The following MED13 variants were observed in gnomAD, a reference collection of about 807,000 sequenced individuals.
MED13 encodes the protein mediator complex subunit 13.
A neutral mutation model predicts 225.2 loss-of-function variants in MED13; 23 were observed. That is an observed-to-expected ratio of 0.10 (90% CI 0.07 to 0.14). The LOEUF is 0.14. Ranked by LOEUF, MED13 falls within the 10% of genes least tolerant of loss-of-function variation. The probability of loss-of-function intolerance (pLI) is 1.00; values close to 1 mark genes in which losing one functional copy is unlikely to be tolerated. For synonymous variants in MED13, 942 were observed against 889.2 expected, an observed-to-expected ratio of 1.06 and a Z score of -1.06; for missense variants, 2,197 against 2,594.5, an observed-to-expected ratio of 0.85 and a Z score of 3.33.
intron 3 of MED13, among the ~76,000 whole-genome samples, chr17:62,050,660 C>T (rs912548253): frequency 6.6e-6 from 1 of 152,170 alleles, no homozygotes; most frequent in Non-Finnish European, 1.5e-5. Flanking sequence ...AGGATTGCAG[C>T]CTTTCATTTT....
At chr17:61,981,203 G>C (rs527286774) in intron 16 of MED13, among the ~76,000 whole-genome samples, 47 of 151,748 alleles carry the variant, frequency 3.1e-4, no homozygotes, top group Middle Eastern at 3.4e-3. Flanking sequence ...TAAATTTTTA[G>C]TAAAGACGGG....
intron 10 of MED13, among the ~76,000 whole-genome samples, chr17:61,994,191 G>A (rs1387199675): frequency 6.6e-6 from 1 of 151,970 alleles, no homozygotes; most frequent in Non-Finnish European, 1.5e-5. Context: ...TAGAGATGGG[G>A]TTTCACCATC....
intron 8 of MED13, among the ~76,000 whole-genome samples, chr17:62,028,717 C>A (rs532363298): frequency 6.6e-6 from 1 of 150,794 alleles, no homozygotes; most frequent in Non-Finnish European, 1.5e-5. Context: ...TGGTGGCGGG[C>A]GCCTGTAGTC....
At chr17:62,047,442 A>G (rs553566356) in intron 3 of MED13, among the ~76,000 whole-genome samples, 1 of 152,254 alleles carries the variant, frequency 6.6e-6, no homozygotes, top group African/African-American at 2.4e-5. Context: ...TCCTCAGCAA[A>G]CTAACACAAG....
rs777280115 is a variant in MED13 at position 61,956,465 on chromosome 17, T to A, written c.5497A>T (p.Ser1833Cys). Residue 1833 changes from serine (S) to cysteine (C), a missense_variant, in exon 24 of 30, where the codon AGT becomes TGT. Transcript: ENST00000397786. ...TGTAGACCAAATTTTCTAGCAGAACTTTTTTTCCGACGAGCCCTATTGTGT... is the reference window on the plus strand; with the variant it reads ...TGTAGACCAAATTTTCTAGCAGAACATTTTTTCCGACGAGCCCTATTGTGT... ...DVPNRARRKK[S>C]SARKFGLQKL... 1 of 1,607,548 alleles carries A rather than the reference T, an allele frequency of 6.2e-7. No homozygotes were observed. Among genetic ancestry groups the A allele is most frequent in the South Asian group, 1.1e-5 (1 of 89,848 alleles).
intron 16 of MED13, among the ~76,000 whole-genome samples, chr17:61,976,103 T>G (rs769355179): frequency 4.6e-5 from 7 of 152,164 alleles, no homozygotes; most frequent in Non-Finnish European, 1.0e-4. Context: ...ATATAAAAAC[T>G]TGTACACAAA....
In MED13 at chr17:62,024,021, G is replaced by T. The variant is rs115397512; in HGVS notation, c.1283+5520C>A. 2.6e-3 allele frequency among the ~76,000 whole-genome samples: 354 copies of T among 134,568 alleles called. 1 individual carries two copies. Among genetic ancestry groups the T allele is most frequent in the African/African-American group, 0.011 (339 of 31,360 alleles). The allele number at this position is 134,568 out of a possible 152,430, so 88.3% of individuals were successfully genotyped here. A position where few individuals can be genotyped will look rare whatever the true frequency, so the allele number is the denominator to read the frequency against. ...AATTTCTGAAAATACTTTTAAAAATGACTTTTTTTTTTTTGAGACGGAGTC... is the reference window on the plus strand; with the variant it reads ...AATTTCTGAAAATACTTTTAAAAATTACTTTTTTTTTTTTGAGACGGAGTC... On this transcript the variant is annotated intron_variant, in intron 8 of 29. Coordinates refer to ENST00000397786, the MANE Select transcript of MED13 (RefSeq NM_005121.3).
At chr17:62,050,629 C>T (rs1482925193) in intron 3 of MED13, among the ~76,000 whole-genome samples, 1 of 152,128 alleles carries the variant, frequency 6.6e-6, no homozygotes, top group Non-Finnish European at 1.5e-5. Context: ...TTCTGAGGAG[C>T]AAATCTATTC....
At chr17:61,969,980 G>A (rs2080092866) in intron 17 of MED13, among the ~76,000 whole-genome samples, 1 of 152,166 alleles carries the variant, frequency 6.6e-6, no homozygotes, top group African/African-American at 2.4e-5. Flanking sequence ...AGAACATGGA[G>A]ATTACAAAAC....
chr17:62,027,933 G>C (rs1311524202), intron 8 of MED13, among the ~76,000 whole-genome samples: 1 of 152,286 alleles, frequency 6.6e-6, no homozygotes, highest in African/African-American at 2.4e-5. Context: ...TGGCGAGGTT[G>C]AGAAGGAAAC....
chr17:61,982,505 G>A lies in MED13; in HGVS notation c.3498C>T (p.Leu1166=). The change falls in exon 16 of 30, where the codon CTC becomes CTT. Residue 1166 remains leucine, a synonymous_variant. Coordinates refer to ENST00000397786, the MANE Select transcript of MED13 (RefSeq NM_005121.3). ...GKEAEKRFEA[L]RATSAEHVNG... is the part of the protein sequence containing the mutation. Reference sequence around the variant, plus strand: ...TAACATGTTCAGCAGAGGTAGCCCTGAGAGCTTCAAAACGTTTTTCTGCTT... The same window carrying A: ...TAACATGTTCAGCAGAGGTAGCCCTAAGAGCTTCAAAACGTTTTTCTGCTT... 1.2e-6 allele frequency: 2 copies of A among 1,614,136 alleles called. No individual in the cohort carries two copies. The highest frequency in any genetic ancestry group is 2.2e-5 in the East Asian group (1 of 44,886).
chr17:62,057,836 C>T (rs1277637148), intron 2 of MED13, among the ~76,000 whole-genome samples: 2 of 152,080 alleles, frequency 1.3e-5, no homozygotes, highest in South Asian at 4.1e-4. Context: ...TTTTTTAGTT[C>T]ACAAGGTATC....
chr17:61,999,968 G>A (rs1170786208), intron 9 of MED13, among the ~76,000 whole-genome samples: 1 of 152,162 alleles, frequency 6.6e-6, no homozygotes, highest in Non-Finnish European at 1.5e-5. Flanking sequence ...TTCTTGGGAG[G>A]CTAAGGAGGA....
chr17:62,011,827 G>T (rs930293185), intron 8 of MED13, among the ~76,000 whole-genome samples: 3 of 152,146 alleles, frequency 2.0e-5, no homozygotes, highest in Admixed American at 6.6e-5. Context: ...AAAAGGGAAA[G>T]AAAATGCCTA....
At chr17:61,952,929 C>A in intron 27 of MED13, 36 bp downstream of exon 27, 1 of 1,599,536 alleles carries the variant, frequency 6.3e-7, no homozygotes. Flanking sequence ...GCCACTGCGC[C>A]CGGCCGAGAA....
chr17:62,016,145 T>C (rs1167719493), intron 8 of MED13, among the ~76,000 whole-genome samples: 1 of 145,216 alleles, frequency 6.9e-6, no homozygotes, highest in East Asian at 2.0e-4. Flanking sequence ...ACACAGAAAT[T>C]TGTTCAAAAA....
intron 10 of MED13, among the ~76,000 whole-genome samples, chr17:61,992,902 G>A (rs2080312536): frequency 6.6e-6 from 1 of 152,010 alleles, no homozygotes; most frequent in African/African-American, 2.4e-5. Context: ...AAGTAGCTAG[G>A]ACTACAGACA....
chr17:62,044,029 C>T (rs775390079), intron 3 of MED13, among the ~76,000 whole-genome samples: 1 of 152,028 alleles, frequency 6.6e-6, no homozygotes, highest in Non-Finnish European at 1.5e-5. Flanking sequence ...TTTGCCTTTT[C>T]GGAGACAGTG....
At chr17:62,027,878 C>T (rs1306075558) in intron 8 of MED13, among the ~76,000 whole-genome samples, 1 of 152,110 alleles carries the variant, frequency 6.6e-6, no homozygotes, top group African/African-American at 2.4e-5. Context: ...ACATCTCACA[C>T]CAGTCAGAAT....
Sources: allele counts gnomAD v4.1 joint callset (sites outside exome capture counted in the v4.1 genomes callset), GRCh38; gene constraint gnomAD v4.1.1; transcripts MANE v1.5; gene names NCBI Gene and HGNC (gene_info 2026-07-23, HGNC 2026-07-21).